Variants in XKR4 observed in about 807,000 individuals in gnomAD.
The protein encoded by XKR4 is XK related 4.
Under a neutral mutation model 53.9 loss-of-function variants are expected in XKR4, and 12 were observed. The ratio of observed to expected loss-of-function variants is 0.22; its 90% CI spans 0.14 to 0.36. The LOEUF (loss-of-function observed/expected upper bound fraction) is 0.36. Ranked by LOEUF, XKR4 falls within the 10% of genes least tolerant of loss-of-function variation. The probability of loss-of-function intolerance (pLI) is 1.00; values close to 1 mark genes in which losing one functional copy is unlikely to be tolerated. For missense variants in XKR4, 799 were observed against 859.5 expected, an observed-to-expected ratio of 0.93 and a Z score of 0.88; for synonymous variants, 354 against 362.4, an observed-to-expected ratio of 0.98 and a Z score of 0.26.
At chr8:55,300,975 G>A (rs746571373) in intron 1 of XKR4, among the ~76,000 whole-genome samples, 61 of 151,992 alleles carry the variant, frequency 4.0e-4, no homozygotes, top group Non-Finnish European at 5.7e-4. Flanking sequence ...GTTCTCATCA[G>A]ACACTTTATT....
intron 1 of XKR4, among the ~76,000 whole-genome samples, chr8:55,220,480 A>T (rs569396621): frequency 6.0e-4 from 92 of 152,356 alleles, no homozygotes; most frequent in African/African-American, 2.1e-3. Context: ...GTTTAAAAGG[A>T]TATAGCATTG....
At chr8:55,221,369 A>C (rs1817878525) in intron 1 of XKR4, among the ~76,000 whole-genome samples, 1 of 152,212 alleles carries the variant, frequency 6.6e-6, no homozygotes, top group South Asian at 2.1e-4. Flanking sequence ...TCGCTAAGAA[A>C]GTCAATGAGA....
chr8:55,478,231 G>T (rs11991330), intron 2 of XKR4, among the ~76,000 whole-genome samples: 51,076 of 151,974 alleles, frequency 0.34, 10,320 homozygotes, highest in African/African-American at 0.57. Context: ...CCAGAAGAGA[G>T]TGGGGGCCAA....
At chr8:55,360,275 C>T (rs1238919038) in intron 2 of XKR4, among the ~76,000 whole-genome samples, 1 of 152,192 alleles carries the variant, frequency 6.6e-6, no homozygotes, top group East Asian at 1.9e-4. Context: ...CCAGGCAACA[C>T]TCTGTGATTC....
Position 55,531,517 on chromosome 8 carries a change from A to C in XKR4, c.*7290A>C, listed in dbSNP as rs192132343. On this transcript the variant is annotated 3_prime_UTR_variant, in exon 3 of 3. Coordinates refer to ENST00000327381, the MANE Select transcript of XKR4 (RefSeq NM_052898.2). ...GTAACAATACAAATACAAAAAAAAA[A>C]CTAGATGACTGCTTATAAAGAGAAA... The C allele has an allele frequency of 1.3e-5, 2 of 152,230 alleles. No homozygotes were observed. Among genetic ancestry groups the C allele is most frequent in the Admixed American group, 1.3e-4 (2 of 15,292 alleles). 9.4% of individuals were successfully genotyped at this position (152,230 alleles called of 1,614,324 possible).
chr8:55,487,457 G>C (rs1320113455), intron 2 of XKR4, among the ~76,000 whole-genome samples: 1 of 144,360 alleles, frequency 6.9e-6, no homozygotes, highest in Non-Finnish European at 1.5e-5. Context: ...TGGGTTTCTA[G>C]ACATGCTTTC....
intron 2 of XKR4, among the ~76,000 whole-genome samples, chr8:55,492,818 A>T (rs1221414209): frequency 6.6e-6 from 1 of 152,158 alleles, no homozygotes; most frequent in Non-Finnish European, 1.5e-5. Context: ...TTTACAGATG[A>T]TGTATTGCTA....
intron 1 of XKR4, among the ~76,000 whole-genome samples, chr8:55,129,424 A>G (rs1350292955): frequency 2.0e-5 from 3 of 152,204 alleles, no homozygotes; most frequent in South Asian, 2.1e-4. Flanking sequence ...GTGGGGTTAC[A>G]GTTACATTTC....
At chr8:55,448,085 G>T (rs1360720952) in intron 2 of XKR4, among the ~76,000 whole-genome samples, 1 of 152,190 alleles carries the variant, frequency 6.6e-6, no homozygotes, top group Non-Finnish European at 1.5e-5. Context: ...GCAAAAGTGG[G>T]AACAGCCAAG....
chr8:55,271,107 G>C (rs1185103414), intron 1 of XKR4, among the ~76,000 whole-genome samples: 1 of 151,400 alleles, frequency 6.6e-6, no homozygotes, highest in South Asian at 2.1e-4. Flanking sequence ...TTTAAATCAT[G>C]ACCATCTTCC....
intron 1 of XKR4, among the ~76,000 whole-genome samples, chr8:55,137,247 A>G (rs1036180926): frequency 1.3e-5 from 2 of 151,996 alleles, no homozygotes; most frequent in African/African-American, 4.8e-5. Context: ...GAGTAGAGAG[A>G]GGAGGGGAAA....
At chr8:55,141,544 G>C (rs1180326525) in intron 1 of XKR4, among the ~76,000 whole-genome samples, 13 of 152,040 alleles carry the variant, frequency 8.6e-5, no homozygotes, top group Non-Finnish European at 1.8e-4. Context: ...GAAGGCCAGG[G>C]GAACCCCAGT....
At chr8:55,384,464 C>T (rs1038283847) in intron 2 of XKR4, among the ~76,000 whole-genome samples, 8 of 152,086 alleles carry the variant, frequency 5.3e-5, no homozygotes, top group African/African-American at 1.9e-4. Context: ...AAATAGTAGC[C>T]TACTAACTTA....
intron 1 of XKR4, among the ~76,000 whole-genome samples, chr8:55,276,215 C>T (rs1032818629): frequency 6.6e-6 from 1 of 152,184 alleles, no homozygotes; most frequent in African/African-American, 2.4e-5. Context: ...ACACAACACC[C>T]TCGATGACTC....
intron 1 of XKR4, among the ~76,000 whole-genome samples, chr8:55,165,401 A>G (rs148105858): frequency 1.3e-5 from 2 of 152,108 alleles, no homozygotes; most frequent in Non-Finnish European, 2.9e-5. Context: ...AACATTAATC[A>G]TCTGTACCAG....
chr8:55,482,530 A>G (rs1585599333), intron 2 of XKR4, among the ~76,000 whole-genome samples: 1 of 151,474 alleles, frequency 6.6e-6, no homozygotes, highest in African/African-American at 2.4e-5. Context: ...CATGTACACT[A>G]AAACTTAAAG....
At chr8:55,522,686 A>T (rs1806813637) in intron 2 of XKR4, among the ~76,000 whole-genome samples, 1 of 152,226 alleles carries the variant, frequency 6.6e-6, no homozygotes, top group African/African-American at 2.4e-5. Flanking sequence ...GTCCAAGGTC[A>T]TGAGGGTAGT....
intron 2 of XKR4, among the ~76,000 whole-genome samples, chr8:55,361,279 C>T (rs567758581): frequency 5.3e-5 from 8 of 151,876 alleles, no homozygotes; most frequent in East Asian, 3.9e-4. Context: ...GGGAGAGGGA[C>T]GTTGAGAGGG....
intron 2 of XKR4, chr8:55,454,417 G>T: frequency 7.7e-7 from 1 of 1,293,396 alleles, no homozygotes; most frequent in Non-Finnish European, 1.1e-6. Flanking sequence ...GGAGGCTCCT[G>T]CAGGCATCGG....
Sources: gnomAD v4.1 joint callset for allele counts (sites outside exome capture counted in the v4.1 genomes callset) on GRCh38, gnomAD v4.1.1 for gene constraint, MANE v1.5 for transcripts, NCBI Gene and HGNC (gene_info 2026-07-23, HGNC 2026-07-21) for gene names.